The following ATCAY variants were observed in gnomAD, a reference collection of about 807,000 sequenced individuals.
The protein encoded by ATCAY is ATCAY kinesin light chain interacting caytaxin, also known as caytaxin.
In ATCAY, 22 loss-of-function variants were observed where a neutral mutation model predicts 47.7. The ratio of observed to expected loss-of-function variants is 0.46; its 90% confidence interval spans 0.33 to 0.66. The LOEUF is 0.66. ATCAY is among the 30% of genes least tolerant of loss of function. The pLI, the probability that ATCAY is intolerant of heterozygous loss-of-function variation, is 0.02. For missense variants in ATCAY, 452 were observed against 515.0 expected, an observed-to-expected ratio of 0.88 and a Z score of 1.18; for synonymous variants, 216 against 207.6, an observed-to-expected ratio of 1.04 and a Z score of -0.35.
Position 3,913,869 on chromosome 19 carries a change from A to G in ATCAY, c.965+13A>G. The G allele has an allele frequency of 6.3e-7, 1 of 1,596,310 alleles. No individual in the cohort carries two copies. The highest frequency in any genetic ancestry group is 8.6e-7 in the Non-Finnish European group (1 of 1,167,354). ...ACTGCGTCCTGCAGTGAGTGGCCCC[A>G]CAGTCCACCCCGCCGTATTAGTCTG... On this transcript the variant is annotated intron_variant, in intron 9 of 12. Transcript: ENST00000450849.
At chr19:3,924,101 G>GGGATGGATGGATGAAT (rs1242253519) in intron 12 of ATCAY, among the ~76,000 whole-genome samples, 2 of 142,412 alleles carry the variant, frequency 1.4e-5, no homozygotes, top group Non-Finnish European at 3.1e-5. Context: ...GATGAGTGGA[G>GGGATGGATGGATGAAT]GGATGGATGG....
At chr19:3,911,835 A>T (rs2145254027) in intron 8 of ATCAY, among the ~76,000 whole-genome samples, 1 of 152,264 alleles carries the variant, frequency 6.6e-6, no homozygotes, top group African/African-American at 2.4e-5. Context: ...TCCCTTGAAC[A>T]ACAGGACACA....
intron 9 of ATCAY, among the ~76,000 whole-genome samples, chr19:3,917,059 G>A (rs532116491): frequency 4.6e-5 from 7 of 151,388 alleles, no homozygotes; most frequent in African/African-American, 1.5e-4. Context: ...TGCCCGCCTC[G>A]GCCTCCCAAA....
At chr19:3,923,836 G>GTGGATGGATGGATGGATGGA (rs533757647) in intron 12 of ATCAY, among the ~76,000 whole-genome samples, 17 of 135,960 alleles carry the variant, frequency 1.3e-4, no homozygotes, top group African/African-American at 4.8e-4. Context: ...GGGTGGGTGG[G>GTGGATGGATGGATGGATGGA]TGGATGGATG....
intron 2 of ATCAY, among the ~76,000 whole-genome samples, chr19:3,889,832 G>A (rs2038698471): frequency 6.6e-6 from 1 of 152,074 alleles, no homozygotes; most frequent in Non-Finnish European, 1.5e-5. Flanking sequence ...CAGCCGAGAT[G>A]GGCTGTGCAA....
intron 2 of ATCAY, among the ~76,000 whole-genome samples, chr19:3,898,255 G>A (rs2038786393): frequency 1.3e-5 from 2 of 152,012 alleles, no homozygotes; most frequent in Admixed American, 1.3e-4. Context: ...TGCAATCATA[G>A]CTCACTGCAG....
chr19:3,911,300 A>G (rs1172354641), intron 8 of ATCAY, among the ~76,000 whole-genome samples: 1 of 152,164 alleles, frequency 6.6e-6, no homozygotes. Context: ...CAGGAGATCA[A>G]GGCTGCAATG....
intron 1 of ATCAY, among the ~76,000 whole-genome samples, chr19:3,881,874 C>CCG (rs1262321023): frequency 1.4e-5 from 2 of 146,476 alleles, no homozygotes; most frequent in Non-Finnish European, 3.0e-5. Flanking sequence ...CCGCCCCCCC[C>CCG]CCGACCCCAT....
At chr19:3,916,844 G>A (rs568252849) in intron 9 of ATCAY, among the ~76,000 whole-genome samples, 4 of 151,120 alleles carry the variant, frequency 2.6e-5, no homozygotes, top group African/African-American at 9.7e-5. Flanking sequence ...GTCTCACTCT[G>A]TTGCCTACGC....
rs796905816 is a variant in ATCAY, at chr19:3,908,692, TCC to T, written c.647+327_647+328del. ...CTCCTCCTTCTCCTCCCCTTCTTCCTCCCCCCTCCTCCTCCCTTTTCTCCTCC... is the reference window on the plus strand; with the variant it reads ...CTCCTCCTTCTCCTCCCCTTCTTCCTCCCCTCCTCCTCCCTTTTCTCCTCC... On this transcript the variant is annotated intron_variant, in intron 6 of 12. Transcript: ENST00000450849. 4.5e-3 allele frequency among the ~76,000 whole-genome samples: 163 copies of T among 36,150 alleles called. 1 individual carries two copies. Among genetic ancestry groups the T allele is most frequent in the African/African-American group, 0.014 (151 of 10,928 alleles). The allele number at this position is 36,150 out of a possible 152,430, so 23.7% of individuals were successfully genotyped here.
At chr19:3,883,141 G>A (rs1014665231) in intron 1 of ATCAY, among the ~76,000 whole-genome samples, 2 of 152,040 alleles carry the variant, frequency 1.3e-5, no homozygotes, top group African/African-American at 4.8e-5. Context: ...CAGCACTTTG[G>A]GAGGCAGGTG....
In ATCAY at chr19:3,909,563, G is replaced by T; in HGVS notation, c.725G>T (p.Arg242Leu). 1 of 1,613,408 alleles carries T rather than the reference G, an allele frequency of 6.2e-7. No homozygotes were observed. The highest frequency in any genetic ancestry group is 8.5e-7 in the Non-Finnish European group (1 of 1,179,674). ...IVYLNGATPR[R>L]RMPGIGWLKK... ...TACCTGAACGGTGCCACGCCCCGGC[G>T]GAGGATGCCTGGAATCGGCTGGCTG... Residue 242 changes from arginine (R) to leucine (L), a missense_variant, in exon 7 of 13, where the codon CGG (arginine) becomes CTG (leucine). Transcript: ENST00000450849.
At chr19:3,881,165 T>A in intron 1 of ATCAY, among the ~76,000 whole-genome samples, 157 bp downstream of exon 1, 1 of 152,002 alleles carries the variant, frequency 6.6e-6, no homozygotes, top group East Asian at 1.9e-4. Context: ...CACATCCCTG[T>A]TCCCGGTACC....
chr19:3,918,544 G>T, intron 10 of ATCAY, among the ~76,000 whole-genome samples: 1 of 134,076 alleles, frequency 7.5e-6, no homozygotes. Flanking sequence ...AACAGAGCAA[G>T]ATCCTGTCTC....
intron 9 of ATCAY, among the ~76,000 whole-genome samples, chr19:3,916,650 C>T (rs1265090809): frequency 3.9e-5 from 6 of 152,132 alleles, no homozygotes; most frequent in African/African-American, 1.2e-4. Flanking sequence ...CCCACCACCA[C>T]ACCCAGATAA....
At chr19:3,899,171 G>A (rs184989950) in intron 2 of ATCAY, among the ~76,000 whole-genome samples, 3 of 152,220 alleles carry the variant, frequency 2.0e-5, no homozygotes, top group Admixed American at 1.3e-4. Flanking sequence ...CACTGGAGAC[G>A]CAGTGGTTAC....
intron 1 of ATCAY, among the ~76,000 whole-genome samples, chr19:3,882,624 A>C (rs2369255): frequency 6.8e-6 from 1 of 147,978 alleles, no homozygotes; most frequent in Non-Finnish European, 1.5e-5. Flanking sequence ...GAGCCACCGC[A>C]CCAGCCAGAT....
At chr19:3,918,722 C>T (rs1010629701) in intron 10 of ATCAY, 84 bp from the exon 11 acceptor site, 7 of 1,451,376 alleles carry the variant, frequency 4.8e-6, no homozygotes, top group South Asian at 1.2e-5. Flanking sequence ...ACAGGAAAAC[C>T]AGAGAGGCCA....
intron 1 of ATCAY, among the ~76,000 whole-genome samples, chr19:3,882,721 G>A (rs961470170): frequency 1.3e-5 from 2 of 151,850 alleles, no homozygotes; most frequent in Non-Finnish European, 2.9e-5. Flanking sequence ...ATACCTCACT[G>A]CAGCCTCCAC....
Sources: gnomAD v4.1 joint callset for allele counts (sites outside exome capture counted in the v4.1 genomes callset) on GRCh38, gnomAD v4.1.1 for gene constraint, MANE v1.5 for transcripts, NCBI Gene and HGNC (gene_info 2026-07-23, HGNC 2026-07-21) for gene names.